The following MYLK variants were observed in gnomAD, a reference collection of about 807,000 sequenced individuals.
MYLK encodes the protein myosin light chain kinase, also known as myosin light chain kinase, smooth muscle.
MYLK carries 106 observed loss-of-function variants against 203.4 expected under a neutral mutation model. The ratio of observed to expected loss-of-function variants is 0.52; its 90% CI spans 0.45 to 0.61. The LOEUF (loss-of-function observed/expected upper bound fraction) is 0.61, where lower values mean the gene tolerates loss of function less well. Ranked by LOEUF, MYLK falls within the 20% of genes least tolerant of loss-of-function variation. The probability of loss-of-function intolerance (pLI) is 0.00; values close to 1 mark genes in which losing one functional copy is unlikely to be tolerated. For missense variants in MYLK, 2,072 were observed against 2,442.3 expected, an observed-to-expected ratio of 0.85 and a Z score of 3.20; for synonymous variants, 867 against 959.5, an observed-to-expected ratio of 0.90 and a Z score of 1.78.
chr3:123,830,187 C>G (rs1432437842), intron 3 of MYLK, among the ~76,000 whole-genome samples: 1 of 152,196 alleles, frequency 6.6e-6, no homozygotes, highest in East Asian at 1.9e-4. Flanking sequence ...ACCTACGGTG[C>G]TTCACAGTGT....
At chr3:123,844,095 T>A (rs2066654568) in intron 2 of MYLK, among the ~76,000 whole-genome samples, 1 of 152,150 alleles carries the variant, frequency 6.6e-6, no homozygotes, top group Admixed American at 6.6e-5. Context: ...CTCACACACC[T>A]ATCTCGACCA....
At chr3:123,668,206 A>T (rs1576486826) in intron 20 of MYLK, among the ~76,000 whole-genome samples, 1 of 152,222 alleles carries the variant, frequency 6.6e-6, no homozygotes, top group East Asian at 1.9e-4. Context: ...TATCCAAATA[A>T]AATGAAAACC....
intron 2 of MYLK, among the ~76,000 whole-genome samples, chr3:123,864,804 C>T (rs1208985082): frequency 6.6e-6 from 1 of 152,078 alleles, no homozygotes; most frequent in Non-Finnish European, 1.5e-5. Context: ...ACTCGGGAAG[C>T]TAAAAGCAGG....
chr3:123,720,079 G>C (rs1225275101), intron 13 of MYLK, among the ~76,000 whole-genome samples: 4 of 152,234 alleles, frequency 2.6e-5, no homozygotes, highest in African/African-American at 7.2e-5. Flanking sequence ...ATCTGAGCCT[G>C]TCTGGTCTTT....
rs1429868194 is a variant in MYLK, at chr3:123,629,317, TCTCTTA to T, written c.5114+151_5114+156del. ...CCTCCCCAACCCACATGCATTCGGG[TCTCTTA>T]CCATGCCCACCCTCCCTTCCTCAGG... On this transcript the variant is annotated intron_variant, in intron 30 of 33. Coordinates refer to ENST00000360304, the MANE Select transcript of MYLK (RefSeq NM_053025.4). The surrounding 1 kb of genome is among the most constrained non-coding windows in gnomAD (Gnocchi z 4.4). 3.3e-5 allele frequency among the ~76,000 whole-genome samples: 5 copies of T among 151,828 alleles called. No homozygotes were observed. Among genetic ancestry groups the T allele is most frequent in the African/African-American group, 1.2e-4 (5 of 41,324 alleles).
chr3:123,706,381 G>A (rs529312086), intron 16 of MYLK, among the ~76,000 whole-genome samples: 1 of 152,244 alleles, frequency 6.6e-6, no homozygotes, highest in Admixed American at 6.5e-5. Context: ...GAGCTTATTT[G>A]TAGCTCAGAG....
At chr3:123,772,879 A>G (rs1274710111) in intron 4 of MYLK, among the ~76,000 whole-genome samples, 1 of 152,032 alleles carries the variant, frequency 6.6e-6, no homozygotes, top group African/African-American at 2.4e-5. Context: ...ATTCTTAAAC[A>G]TTGCTGAAGG....
intron 7 of MYLK, among the ~76,000 whole-genome samples, chr3:123,738,172 A>T (rs1490406990): frequency 6.6e-6 from 1 of 152,148 alleles, no homozygotes; most frequent in Non-Finnish European, 1.5e-5. Context: ...GGAAACCAGG[A>T]TTCCAAGAAG....
chr3:123,780,821 T>C (rs749642049), intron 4 of MYLK, among the ~76,000 whole-genome samples: 23 of 152,156 alleles, frequency 1.5e-4, no homozygotes, highest in African/African-American at 4.3e-4. Context: ...CTAGGTGCTA[T>C]AGAGAACACA....
At chr3:123,718,246 G>A (rs1181829742) in intron 13 of MYLK, among the ~76,000 whole-genome samples, 5 of 152,254 alleles carry the variant, frequency 3.3e-5, no homozygotes, top group Non-Finnish European at 5.9e-5. Flanking sequence ...AGGAATTCTA[G>A]GGAATGCCTC....
At chr3:123,673,472 A>T (rs184064638) in intron 20 of MYLK, among the ~76,000 whole-genome samples, 136 of 151,904 alleles carry the variant, frequency 9.0e-4, no homozygotes, top group African/African-American at 3.0e-3. Flanking sequence ...AAACAAACAG[A>T]TCCCCAGAGG....
chr3:123,737,377 CCT>C lies in MYLK; in HGVS notation c.753_754del (p.Gly252PhefsTer6). 6.2e-7 allele frequency: 1 copy of C among 1,614,138 alleles called. No homozygotes were observed. Among genetic ancestry groups the C allele is most frequent in the Non-Finnish European group, 8.5e-7 (1 of 1,180,012 alleles). On this transcript the variant is annotated frameshift_variant and splice_region_variant, in exon 8 of 34. Coordinates refer to ENST00000360304, the MANE Select transcript of MYLK (RefSeq NM_053025.4). LOFTEE classifies it high-confidence loss of function. The stretch of plus-strand genomic sequence containing the variant: ...TGCACTAGCCGTCCACTGGTCGATA[CCT>C]TGGATGGAAAGTTCAGCTGACATCG...
intron 2 of MYLK, among the ~76,000 whole-genome samples, chr3:123,850,765 A>T (rs2030689557): frequency 6.6e-6 from 1 of 152,086 alleles, no homozygotes; most frequent in Non-Finnish European, 1.5e-5. Flanking sequence ...CCCATTTGTC[A>T]ATTTTGGCTT....
rs116857393 is a variant in MYLK at position 123,816,343 on chromosome 3, T to C, written c.-4+15205A>G. ...CTTTCAGCTCATGTCCTCCCTATAA[T>C]GGGGGGAAGATGGTAACAACACTTG... On this transcript the variant is annotated intron_variant, in intron 3 of 33. Transcript: ENST00000360304. Among the ~76,000 whole-genome samples, 14 of 152,298 alleles carry C rather than the reference T, an allele frequency of 9.2e-5. No individual in the cohort carries two copies. The East Asian group carries it at 2.7e-3, about 29-fold the overall frequency.
chr3:123,708,194 C>T (rs1274695406), intron 15 of MYLK, among the ~76,000 whole-genome samples, 191 bp from the exon 16 acceptor site: 1 of 152,190 alleles, frequency 6.6e-6, no homozygotes, highest in African/African-American at 2.4e-5. Context: ...GATACATTCT[C>T]AGAGGATAAT....
At chr3:123,764,719 G>A (rs1484734847) in intron 4 of MYLK, among the ~76,000 whole-genome samples, 3 of 152,170 alleles carry the variant, frequency 2.0e-5, no homozygotes. Flanking sequence ...GGAGGAGAGG[G>A]GTCTGGGGCA....
intron 3 of MYLK, among the ~76,000 whole-genome samples, chr3:123,797,822 G>C (rs1162392169): frequency 6.6e-6 from 1 of 152,190 alleles, no homozygotes; most frequent in Non-Finnish European, 1.5e-5. Flanking sequence ...AGCATAAAAG[G>C]CATTCAATAG....
At chr3:123,678,654 A>AACACACAC (rs151133463) in intron 20 of MYLK, among the ~76,000 whole-genome samples, 2 of 150,346 alleles carry the variant, frequency 1.3e-5, no homozygotes, top group East Asian at 3.9e-4. Context: ...CACACACACA[A>AACACACAC]ACACACACAC....
chr3:123,873,035 A>C (rs968086925), intron 2 of MYLK, among the ~76,000 whole-genome samples: 12 of 152,280 alleles, frequency 7.9e-5, no homozygotes, highest in Middle Eastern at 3.4e-3. Context: ...CTTATTATGA[A>C]TAACCAAAGA....
Sources: allele counts gnomAD v4.1 joint callset (sites outside exome capture counted in the v4.1 genomes callset), GRCh38; gene constraint gnomAD v4.1.1; non-coding constraint Gnocchi (gnomAD v3.1); transcripts MANE v1.5; gene names NCBI Gene and HGNC (gene_info 2026-07-23, HGNC 2026-07-21).